Variants in ARFGEF2 observed in about 807,000 individuals in gnomAD.
The protein encoded by ARFGEF2 is ARF guanine nucleotide exchange factor 2, also known as brefeldin A-inhibited guanine nucleotide-exchange protein 2.
Under a neutral mutation model 219.9 loss-of-function variants are expected in ARFGEF2, and 74 were observed. That is an observed-to-expected ratio of 0.34 (90% CI 0.28 to 0.41). The LOEUF (loss-of-function observed/expected upper bound fraction) is 0.41. ARFGEF2 is among the 10% of genes least tolerant of loss of function. The pLI, the probability that ARFGEF2 is intolerant of heterozygous loss-of-function variation, is 1.00. For synonymous variants in ARFGEF2, 733 were observed against 799.2 expected (o/e 0.92, Z 1.40); for missense variants, 1,743 against 2,218.3 (o/e 0.79, Z 4.30).
intron 25 of ARFGEF2, among the ~76,000 whole-genome samples, chr20:49,004,563 G>T (rs1244040414): frequency 6.6e-6 from 1 of 151,900 alleles, no homozygotes; most frequent in Non-Finnish European, 1.5e-5. Flanking sequence ...CACTTTGGGA[G>T]GCCAAGGCAG....
At chr20:48,946,657 C>G (rs1360925171) in intron 3 of ARFGEF2, among the ~76,000 whole-genome samples, 1 of 152,050 alleles carries the variant, frequency 6.6e-6, no homozygotes, top group Non-Finnish European at 1.5e-5. Context: ...TCCCAAGTAG[C>G]TGGGACCACG....
At chr20:48,949,224 T>C (rs554243437) in intron 3 of ARFGEF2, among the ~76,000 whole-genome samples, 3 of 152,306 alleles carry the variant, frequency 2.0e-5, no homozygotes, top group Non-Finnish European at 4.4e-5. Context: ...TTTCATACTT[T>C]AGTTAAAGTG....
rs1296230051 is a variant in ARFGEF2 at position 49,010,374 on chromosome 20, C to T, written c.3727C>T (p.Leu1243=). 1 of 1,614,114 alleles carries T rather than the reference C, an allele frequency of 6.2e-7. No homozygotes were observed. The highest frequency in any genetic ancestry group is 1.3e-5 in the African/African-American group (1 of 75,050). The change falls in exon 27 of 39, where the codon CTG becomes TTG. Residue 1243 remains leucine (L), a synonymous_variant. Coordinates refer to ENST00000371917, the MANE Select transcript of ARFGEF2 (RefSeq NM_006420.3). ...ASDHDGNIVE[L]AFQTTCHIVT... is the part of the protein sequence containing the mutation. ...TGATCATGATGGGAACATTGTGGAG[C>T]TGGCCTTCCAGACCACTTGCCACAT...
intron 26 of ARFGEF2, 137 bp from the exon 27 acceptor site, chr20:49,010,095 A>G (rs1027733288): frequency 2.1e-5 from 22 of 1,068,450 alleles, no homozygotes; most frequent in Non-Finnish European, 2.7e-5. Flanking sequence ...AGTGAGAGGA[A>G]ACGGGGCAGA....
Position 48,989,586 on chromosome 20 carries a change from A to G in ARFGEF2, c.2716A>G (p.Ser906Gly), listed in dbSNP as rs1236557851. The stretch of plus-strand genomic sequence containing the variant: ...GTGGACGCCACTATTGGCAGCCTAC[A>G]GCATCGGACTCCAGAACTGTGATGA... ...LVWTPLLAAY[S>G]IGLQNCDDTE... Residue 906 changes from serine to glycine, a missense_variant, in exon 20 of 39, where the codon AGC becomes GGC. Around this residue, in one of 5 missense-constraint regions of ARFGEF2, gnomAD observed 666 missense variants for 955.4 expected, o/e 0.70. Transcript: ENST00000371917. 1 of 1,614,236 alleles carries G rather than the reference A, an allele frequency of 6.2e-7. No homozygotes were observed. Among genetic ancestry groups the G allele is most frequent in the Admixed American group, 1.7e-5 (1 of 60,028 alleles).
chr20:48,973,169 A>C lies in ARFGEF2; in HGVS notation c.1550A>C (p.Tyr517Ser), dbSNP rs779424947. The C allele has an allele frequency of 6.2e-7, 1 of 1,614,192 alleles. No homozygotes were observed. The highest frequency in any genetic ancestry group is 1.7e-5 in the Admixed American group (1 of 60,022). Residue 517 changes from tyrosine (Y) to serine (S), a missense_variant, in exon 12 of 39, where the codon TAT becomes TCT. Coordinates refer to ENST00000371917, the MANE Select transcript of ARFGEF2 (RefSeq NM_006420.3). ...GATGCCCAGTGTGTTGTGGATATTTATGTCAACTACGACTGTGATTTAAAT... is the reference window on the plus strand; with the variant it reads ...GATGCCCAGTGTGTTGTGGATATTTCTGTCAACTACGACTGTGATTTAAAT... ...CADAQCVVDI[Y>S]VNYDCDLNAA...
rs577594261 is a variant in ARFGEF2 at position 48,955,504 on chromosome 20, G to A, written c.838+1714G>A. ...TTCCCAACACCTAGAATGGTGCCTG[G>A]CACACGCAGCAGACATTGAGCAAAT... On this transcript the variant is annotated intron_variant, in intron 6 of 38. Coordinates refer to ENST00000371917, the MANE Select transcript of ARFGEF2 (RefSeq NM_006420.3). Among the ~76,000 whole-genome samples the A allele has an allele frequency of 3.3e-5, 5 of 152,316 alleles. No homozygotes were observed. The East Asian group carries it at 5.8e-4, about 18-fold the overall frequency.
At chr20:49,021,078 T>G (rs2091562473) in intron 34 of ARFGEF2, among the ~76,000 whole-genome samples, 1 of 152,058 alleles carries the variant, frequency 6.6e-6, no homozygotes, top group African/African-American at 2.4e-5. Flanking sequence ...TTTAAAACAA[T>G]CTACATGGAG....
chr20:48,959,324 G>A (rs1189193560), intron 6 of ARFGEF2, among the ~76,000 whole-genome samples: 2 of 151,378 alleles, frequency 1.3e-5, no homozygotes, highest in African/African-American at 4.9e-5. Context: ...GGACTGGAAA[G>A]GAACTTGGAA....
Position 48,931,710 on chromosome 20 carries a change from T to C in ARFGEF2, c.122-9489T>C, listed in dbSNP as rs564634175. 2.6e-3 allele frequency among the ~76,000 whole-genome samples: 392 copies of C among 152,034 alleles called. 3 individuals carry two copies. The highest frequency in any genetic ancestry group is 9.0e-3 in the African/African-American group (374 of 41,448). On this transcript the variant is annotated intron_variant, in intron 1 of 38. Transcript: ENST00000371917. ...CATTCCCAGGAGCAGGAATAGCTCATGCAAAGGCCCCGGGGCAGAAATGTG... is the reference window on the plus strand; with the variant it reads ...CATTCCCAGGAGCAGGAATAGCTCACGCAAAGGCCCCGGGGCAGAAATGTG...
At chr20:49,030,182 G>A (rs1452483876) in intron 37 of ARFGEF2, among the ~76,000 whole-genome samples, 1 of 151,942 alleles carries the variant, frequency 6.6e-6, no homozygotes, top group Non-Finnish European at 1.5e-5. Flanking sequence ...TGCAGGGATG[G>A]GCGTGAGCCA....
chr20:49,010,204 C>T lies in ARFGEF2; in HGVS notation c.3585-28C>T, dbSNP rs369720307. 27 of 1,608,250 alleles carry T rather than the reference C, an allele frequency of 1.7e-5. No individual in the cohort carries two copies. In the African/African-American group the frequency reaches 1.7e-4, roughly 10 times the overall value. ...CTCTTCCCATTCTCCAAAGTACAGA[C>T]GATATGGCCGTCCCATTCTTTCCTC... is the stretch of plus-strand genomic sequence containing the variant. On this transcript the variant is annotated intron_variant, in intron 26 of 38. Transcript: ENST00000371917.
chr20:48,993,055 T>TA (rs750894085), intron 21 of ARFGEF2, among the ~76,000 whole-genome samples: 4 of 152,042 alleles, frequency 2.6e-5, no homozygotes, highest in Non-Finnish European at 5.9e-5. Flanking sequence ...ATCTCTAAAA[T>TA]AAAAAAATAT....
At position 48,984,840 on chromosome 20, in the gene ARFGEF2, C is replaced by T. The variant is rs766767029; in HGVS notation, c.2070C>T (p.Ser690=). Residue 690 remains serine (S), a splice_region_variant and synonymous_variant, in exon 15 of 39, where the codon TCC becomes TCT. Coordinates refer to ENST00000371917, the MANE Select transcript of ARFGEF2 (RefSeq NM_006420.3). ...QFLHQEERLD[S]TQVGDFLGDS... ...TGCACCAGGAGGAGCGCCTGGATTC[C>T]GTAAGGCTTGGGGGTGTAGCACTTG... 55 of 1,612,184 alleles carry T rather than the reference C, an allele frequency of 3.4e-5. No homozygotes were observed. The East Asian group carries it at 8.7e-4, about 25-fold the overall frequency.
chr20:49,012,823 A>G (rs2091508372), intron 28 of ARFGEF2, among the ~76,000 whole-genome samples: 1 of 152,196 alleles, frequency 6.6e-6, no homozygotes, highest in Non-Finnish European at 1.5e-5. Flanking sequence ...ATGAGATGTA[A>G]TTATATCCCA....
At chr20:49,008,108 C>T (rs891507194) in intron 26 of ARFGEF2, among the ~76,000 whole-genome samples, 1 of 152,180 alleles carries the variant, frequency 6.6e-6, no homozygotes, top group Non-Finnish European at 1.5e-5. Flanking sequence ...AGTAATTCCA[C>T]ACTTCTGTAA....
chr20:49,030,721 G>A (rs543331382), intron 37 of ARFGEF2, among the ~76,000 whole-genome samples: 4 of 152,234 alleles, frequency 2.6e-5, no homozygotes, highest in East Asian at 1.9e-4. Flanking sequence ...ATGTAGGGCC[G>A]GGCGCGGTGG....
chr20:48,948,780 C>T (rs562333683), intron 3 of ARFGEF2, among the ~76,000 whole-genome samples: 57 of 152,344 alleles, frequency 3.7e-4, no homozygotes, highest in Non-Finnish European at 6.9e-4. Flanking sequence ...ACTCATGTGT[C>T]AGTGGGCCAG....
chr20:48,953,680 C>G lies in ARFGEF2; in HGVS notation c.728C>G (p.Thr243Arg), dbSNP rs745385629. The G allele has an allele frequency of 4.3e-6, 7 of 1,614,016 alleles. No individual in the cohort carries two copies. The highest frequency in any genetic ancestry group is 5.9e-6 in the Non-Finnish European group (7 of 1,180,034). Residue 243 changes from threonine to arginine, a missense_variant, in exon 6 of 39, where the codon ACA (threonine) becomes AGA (arginine). Thr to Arg is a moderately conservative substitution (Grantham distance 71, BLOSUM62 -1). Coordinates refer to ENST00000371917, the MANE Select transcript of ARFGEF2 (RefSeq NM_006420.3). ...CACAGTCAGGCACAAAGCAAACCAA[C>G]AACTCCCGAAAAAACAGATTTAACC... ...LKHSQAQSKP[T>R]TPEKTDLTNG...
Sources: gnomAD v4.1 joint callset for allele counts (sites outside exome capture counted in the v4.1 genomes callset) on GRCh38, gnomAD v4.1.1 for gene constraint, gnomAD v4.1.1 regional missense constraint, MANE v1.5 for transcripts, NCBI Gene and HGNC (gene_info 2026-07-23, HGNC 2026-07-21) for gene names.